AP1S3: variants seen among roughly 807,000 people sequenced by gnomAD.
The protein encoded by AP1S3 is AP-1 complex subunit sigma-3.
Under a neutral mutation model 20.9 loss-of-function variants are expected in AP1S3, and 10 were observed. The ratio of observed to expected loss-of-function variants is 0.48; its 90% CI spans 0.29 to 0.81. AP1S3 has a LOEUF of 0.81. Ranked by LOEUF, AP1S3 falls within the 30% of genes least tolerant of loss-of-function variation. The pLI, the probability that AP1S3 is intolerant of heterozygous loss-of-function variation, is 0.08. For synonymous variants in AP1S3, 41 were observed against 61.5 expected (o/e 0.67, Z 1.56); for missense variants, 154 against 183.8 (o/e 0.84, Z 0.94).
intron 2 of AP1S3, chr2:223,776,215 A>G: frequency 1.5e-6 from 1 of 664,422 alleles, no homozygotes; most frequent in Non-Finnish European, 2.8e-6. Flanking sequence ...ACTTCCATTA[A>G]TTACGCATGA....
At chr2:223,803,923 G>A (rs1014907839) in intron 1 of AP1S3, among the ~76,000 whole-genome samples, 4 of 151,844 alleles carry the variant, frequency 2.6e-5, no homozygotes, top group Admixed American at 1.3e-4. Context: ...ATTCCAAAAG[G>A]TACTTAATAA....
intron 4 of AP1S3, among the ~76,000 whole-genome samples, chr2:223,759,861 C>G (rs1690310331): frequency 1.3e-5 from 2 of 152,122 alleles, no homozygotes; most frequent in African/African-American, 2.4e-5. Flanking sequence ...TAAGTGAGAA[C>G]ATGTGGCATT....
Position 223,756,724 on chromosome 2 carries a change from T to G in AP1S3, c.*1991A>C, listed in dbSNP as rs565202601. 3.8e-5 allele frequency: 37 copies of G among 985,338 alleles called. No individual in the cohort carries two copies. The Admixed American group carries it at 4.9e-4, about 13-fold the overall frequency. 61.0% of individuals were successfully genotyped at this position (985,338 alleles called of 1,614,324 possible). A position where few individuals can be genotyped will look rare whatever the true frequency, so the allele number is the denominator to read the frequency against. On this transcript the variant is annotated 3_prime_UTR_variant, in exon 5 of 5. Transcript: ENST00000396654. ...AGGAATTGGTGAATTTTTCCCTTTG[T>G]TCTCCTGCTTGCTTTGCTGTTTTCC... is the stretch of plus-strand genomic sequence containing the variant.
chr2:223,778,235 C>T (rs1690838080), intron 1 of AP1S3, among the ~76,000 whole-genome samples: 2 of 151,714 alleles, frequency 1.3e-5, no homozygotes, highest in Non-Finnish European at 2.9e-5. Flanking sequence ...AAGCGATTCT[C>T]CTGCAACAGC....
chr2:223,826,277 C>G (rs973617961), intron 1 of AP1S3, among the ~76,000 whole-genome samples: 1 of 151,350 alleles, frequency 6.6e-6, no homozygotes, highest in Non-Finnish European at 1.5e-5. Context: ...AATTTCAGTA[C>G]GACTCTGAAG....
At chr2:223,770,264 G>A (rs955383061) in intron 3 of AP1S3, 1 of 1,550,608 alleles carries the variant, frequency 6.4e-7, no homozygotes, top group African/African-American at 1.4e-5. Flanking sequence ...GTTCAAGGCA[G>A]GCGTAGACCA....
chr2:223,789,326 A>C (rs1691153701), intron 1 of AP1S3, among the ~76,000 whole-genome samples: 1 of 152,116 alleles, frequency 6.6e-6, no homozygotes, highest in Admixed American at 6.6e-5. Context: ...GTTAAAAACT[A>C]TGATAACCAA....
At chr2:223,817,234 C>T in intron 1 of AP1S3, among the ~76,000 whole-genome samples, 1 of 152,128 alleles carries the variant, frequency 6.6e-6, no homozygotes, top group Non-Finnish European at 1.5e-5. Flanking sequence ...TGGATGACAA[C>T]CAAAAGTCAA....
intron 2 of AP1S3, among the ~76,000 whole-genome samples, chr2:223,777,379 A>C (rs1690809180): frequency 1.3e-5 from 2 of 152,066 alleles, no homozygotes; most frequent in Non-Finnish European, 2.9e-5. Context: ...TGGGTGACAG[A>C]GCAAGATTCC....
intron 1 of AP1S3, among the ~76,000 whole-genome samples, chr2:223,792,765 T>A (rs1191605537): frequency 6.6e-6 from 1 of 152,178 alleles, no homozygotes; most frequent in Non-Finnish European, 1.5e-5. Flanking sequence ...AACGAAACTG[T>A]CATCAGAGTA....
intron 2 of AP1S3, 128 bp downstream of exon 2, chr2:223,777,563 A>G: frequency 1.2e-6 from 1 of 816,936 alleles, no homozygotes; most frequent in Non-Finnish European, 1.9e-6. Context: ...CTATTGGTAC[A>G]AATATCTGGG....
chr2:223,826,363 C>A (rs973526787), intron 1 of AP1S3, among the ~76,000 whole-genome samples: 2 of 151,880 alleles, frequency 1.3e-5, no homozygotes, highest in South Asian at 2.1e-4. Flanking sequence ...GAGGCCAAGG[C>A]GGGCAGATCA....
At chr2:223,822,459 T>TG (rs1692011993) in intron 1 of AP1S3, among the ~76,000 whole-genome samples, 1 of 151,488 alleles carries the variant, frequency 6.6e-6, no homozygotes, top group African/African-American at 2.4e-5. Flanking sequence ...CTGAGGTGGG[T>TG]GGATCACCTG....
At chr2:223,818,001 G>A (rs1691894138) in intron 1 of AP1S3, among the ~76,000 whole-genome samples, 1 of 152,014 alleles carries the variant, frequency 6.6e-6, no homozygotes, top group South Asian at 2.1e-4. Context: ...CACAAATCTA[G>A]GCAATGTGTC....
In AP1S3 at chr2:223,758,759, G is replaced by A. The variant is rs752303998; in HGVS notation, c.430-9C>T. On this transcript the variant is annotated splice_polypyrimidine_tract_variant and intron_variant, in intron 4 of 4. Coordinates refer to ENST00000396654, the MANE Select transcript of AP1S3 (RefSeq NM_001039569.2). The stretch of plus-strand genomic sequence containing the variant: ...ATGTATTCTTCCATTGTCTGAAAGC[G>A]AACAATAAATTAGAACAATTTTCCC... 3.1e-6 allele frequency: 5 copies of A among 1,606,214 alleles called. No homozygotes were observed. The highest frequency in any genetic ancestry group is 3.4e-6 in the Non-Finnish European group (4 of 1,176,528).
intron 3 of AP1S3, among the ~76,000 whole-genome samples, chr2:223,768,756 G>A (rs1490847007): frequency 2.0e-5 from 3 of 152,172 alleles, no homozygotes; most frequent in Non-Finnish European, 2.9e-5. Flanking sequence ...TCAGGAAGGT[G>A]AGGCAGAAGA....
At chr2:223,809,595 G>C (rs1220647033) in intron 1 of AP1S3, among the ~76,000 whole-genome samples, 1 of 151,938 alleles carries the variant, frequency 6.6e-6, no homozygotes, top group Non-Finnish European at 1.5e-5. Flanking sequence ...AGTGAGTCGA[G>C]ATCGCGCCAC....
At chr2:223,835,558 G>A (rs1183706771) in intron 1 of AP1S3, among the ~76,000 whole-genome samples, 2 of 152,182 alleles carry the variant, frequency 1.3e-5, no homozygotes, top group East Asian at 3.9e-4. Flanking sequence ...AGGAGGCTGA[G>A]GCAGGAGAAT....
chr2:223,770,279 T>TCC (rs1690587315), intron 3 of AP1S3: 2 of 1,550,330 alleles, frequency 1.3e-6, no homozygotes, highest in South Asian at 2.4e-5. Context: ...AGACCAGGAA[T>TCC]CCAAGACAGA....
Sources: allele counts gnomAD v4.1 joint callset (sites outside exome capture counted in the v4.1 genomes callset), GRCh38; gene constraint gnomAD v4.1.1; transcripts MANE v1.5; gene names NCBI Gene and HGNC (gene_info 2026-07-23, HGNC 2026-07-21).